LRP1B: variants seen among roughly 807,000 people sequenced by gnomAD.
The protein encoded by LRP1B is LDL receptor related protein 1B, also known as low-density lipoprotein receptor-related protein 1B.
Under a neutral mutation model 556.6 loss-of-function variants are expected in LRP1B, and 217 were observed. The observed-to-expected ratio is 0.39, with a 90% CI of 0.35 to 0.44. The LOEUF (loss-of-function observed/expected upper bound fraction) is 0.44. LRP1B is among the 20% of genes least tolerant of loss of function. The probability of loss-of-function intolerance (pLI) is 1.00; values close to 1 mark genes in which losing one functional copy is unlikely to be tolerated. For missense variants in LRP1B, 5,053 were observed against 5,620.8 expected (o/e 0.90, Z 3.23); for synonymous variants, 2,047 against 1,865.8 (o/e 1.10, Z -2.50).
chr2:142,071,392 TC>T (rs1341904847), intron 1 of LRP1B, among the ~76,000 whole-genome samples: 1 of 151,962 alleles, frequency 6.6e-6, no homozygotes, highest in Non-Finnish European at 1.5e-5. Flanking sequence ...AGGCCAGTGG[TC>T]AGCAAATTGT....
intron 3 of LRP1B, among the ~76,000 whole-genome samples, chr2:141,265,084 A>C (rs1411547743): frequency 2.0e-5 from 3 of 152,170 alleles, no homozygotes; most frequent in African/African-American, 7.2e-5. Flanking sequence ...GAGGGGCCAC[A>C]AACTCTCTCG....
rs750724793 is a variant in LRP1B at position 140,457,509 on chromosome 2, A to T, written c.9768T>A (p.His3256Gln). 2 of 1,613,744 alleles carry T rather than the reference A, an allele frequency of 1.2e-6. No homozygotes were observed. Among genetic ancestry groups the T allele is most frequent in the Non-Finnish European group, 1.7e-6 (2 of 1,179,800 alleles). The part of the protein sequence containing the change: ...ADRLSLIYSW[H>Q]AITDIQVYHS... ...GATACACCTGGATATCTGTGATGGC[A>T]TGCCATGAGTAAATCAGTGAGAGTC... The change falls in exon 61 of 91, where the codon CAT (histidine) becomes CAA (glutamine). Residue 3256 changes from histidine (H) to glutamine (Q), a missense_variant. His to Gln is a conservative substitution (Grantham distance 24). This residue lies in a region of LRP1B where 262 missense variants were observed against 395.1 expected (regional missense o/e 0.66). Transcript: ENST00000389484.
At chr2:141,342,313 C>T (rs1317159103) in intron 3 of LRP1B, among the ~76,000 whole-genome samples, 4 of 145,432 alleles carry the variant, frequency 2.8e-5, no homozygotes, top group Non-Finnish European at 6.1e-5. Flanking sequence ...GGTATCATAA[C>T]CCAATATCAT....
intron 66 of LRP1B, among the ~76,000 whole-genome samples, chr2:140,434,969 G>T (rs1197808384): frequency 6.6e-6 from 1 of 151,942 alleles, no homozygotes; most frequent in African/African-American, 2.4e-5. Context: ...CTGGGTATTG[G>T]TGTTGAGAAA....
chr2:140,554,854 A>ATGTGTGTG (rs1553485749), intron 43 of LRP1B, among the ~76,000 whole-genome samples: 4,254 of 146,040 alleles, frequency 0.029, 179 homozygotes, highest in African/African-American at 0.1. Context: ...AAGTGTGTGT[A>ATGTGTGTG]TGTGTGTGTG....
chr2:140,540,935 C>A, intron 45 of LRP1B, 38 bp downstream of exon 45: 1 of 1,587,780 alleles, frequency 6.3e-7, no homozygotes. Flanking sequence ...GAATTTGGAA[C>A]AGATTTGTCA....
chr2:141,238,490 C>T (rs1389533593), intron 5 of LRP1B, among the ~76,000 whole-genome samples: 1 of 152,050 alleles, frequency 6.6e-6, no homozygotes, highest in Non-Finnish European at 1.5e-5. Flanking sequence ...ATCCATTCAA[C>T]AAATACTTAT....
intron 3 of LRP1B, among the ~76,000 whole-genome samples, chr2:141,439,372 A>T (rs67851039): frequency 0.24 from 36,675 of 151,848 alleles, 4,616 homozygotes; most frequent in South Asian, 0.36. Context: ...GAATTTTTTT[A>T]CAATTATGTC....
At chr2:140,598,956 T>C (rs546595807) in intron 42 of LRP1B, 121 bp from the exon 43 acceptor site, 17 of 659,054 alleles carry the variant, frequency 2.6e-5, no homozygotes, top group Non-Finnish European at 3.9e-5. Flanking sequence ...TCATATTCTA[T>C]CTTTAACAAA....
intron 2 of LRP1B, among the ~76,000 whole-genome samples, chr2:141,590,181 T>C (rs1687286710): frequency 6.6e-6 from 1 of 152,150 alleles, no homozygotes; most frequent in Admixed American, 6.5e-5. Flanking sequence ...CAATTATTGG[T>C]GATGGTCTCA....
chr2:141,481,195 C>T (rs1009076776), intron 2 of LRP1B, among the ~76,000 whole-genome samples: 2 of 152,278 alleles, frequency 1.3e-5, no homozygotes, highest in South Asian at 2.1e-4. Context: ...TGTATAATCA[C>T]CATTTGTGTT....
intron 2 of LRP1B, among the ~76,000 whole-genome samples, chr2:141,489,434 C>T (rs1683252099): frequency 6.6e-6 from 1 of 151,830 alleles, no homozygotes; most frequent in South Asian, 2.1e-4. Context: ...ATTATAATAT[C>T]TGTAATTACC....
chr2:140,994,041 G>T lies in LRP1B; in HGVS notation c.2598C>A (p.Gly866=). The change falls in exon 16 of 91, where the codon GGC becomes GGA. Residue 866 remains glycine (G), a synonymous_variant. Coordinates refer to ENST00000389484, the MANE Select transcript of LRP1B (RefSeq NM_018557.3). ...HCIQARWKCD[G]DDDCLDGSDE... is the part of the protein sequence containing the mutation. ...CGCTTCCGTCTAGGCAGTCATCGTC[G>T]CCATCACATTTCCACCGAGCTTGGA... 1 of 1,612,496 alleles carries T rather than the reference G, an allele frequency of 6.2e-7. No homozygotes were observed. The highest frequency in any genetic ancestry group is 8.5e-7 in the Non-Finnish European group (1 of 1,179,048).
At chr2:140,988,984 A>G (rs1697011455) in intron 17 of LRP1B, among the ~76,000 whole-genome samples, 1 of 152,084 alleles carries the variant, frequency 6.6e-6, no homozygotes, top group Non-Finnish European at 1.5e-5. Context: ...CCATTCAATG[A>G]GAATCTGGCT....
At chr2:140,774,655 C>T (rs980683856) in intron 33 of LRP1B, among the ~76,000 whole-genome samples, 7 of 151,974 alleles carry the variant, frequency 4.6e-5, no homozygotes, top group African/African-American at 1.7e-4. Flanking sequence ...TACAATAGTA[C>T]TGTGAGTTTT....
intron 37 of LRP1B, among the ~76,000 whole-genome samples, chr2:140,715,667 C>A (rs1312685329): frequency 4.6e-5 from 7 of 151,852 alleles, no homozygotes; most frequent in Non-Finnish European, 7.4e-5. Flanking sequence ...TTTACTAATT[C>A]AATAAATAAT....
chr2:141,582,799 C>A (rs1238757249), intron 2 of LRP1B, among the ~76,000 whole-genome samples: 1 of 149,452 alleles, frequency 6.7e-6, no homozygotes, highest in African/African-American at 2.5e-5. Context: ...AAAAGCAATA[C>A]CTGAAATCTT....
At chr2:141,193,361 T>C (rs980805418) in intron 6 of LRP1B, among the ~76,000 whole-genome samples, 5 of 151,836 alleles carry the variant, frequency 3.3e-5, no homozygotes, top group South Asian at 2.1e-4. Flanking sequence ...TCGTGACTGA[T>C]TGGATAAAGA....
intron 66 of LRP1B, among the ~76,000 whole-genome samples, chr2:140,416,962 A>G (rs950413853): frequency 1.3e-5 from 2 of 152,220 alleles, no homozygotes; most frequent in African/African-American, 4.8e-5. Flanking sequence ...CCCAATGATG[A>G]GACAGCAGAA....
Sources: gnomAD v4.1 joint callset for allele counts (sites outside exome capture counted in the v4.1 genomes callset) on GRCh38, gnomAD v4.1.1 for gene constraint, gnomAD v4.1.1 regional missense constraint, MANE v1.5 for transcripts, NCBI Gene and HGNC (gene_info 2026-07-23, HGNC 2026-07-21) for gene names.